UNC13B: variants seen among roughly 807,000 people sequenced by gnomAD.
UNC13B encodes the protein unc-13 homolog B, also known as protein unc-13 homolog B.
UNC13B carries 144 observed loss-of-function variants against 211.0 expected under a neutral mutation model. The observed-to-expected ratio is 0.68, with a 90% CI of 0.60 to 0.78. The LOEUF (loss-of-function observed/expected upper bound fraction) is 0.78, where lower values mean the gene tolerates loss of function less well. Ranked by LOEUF, UNC13B falls within the 30% of genes least tolerant of loss-of-function variation. The pLI is 0.00. For missense variants in UNC13B, 1,777 were observed against 2,002.0 expected, an observed-to-expected ratio of 0.89 and a Z score of 2.14; for synonymous variants, 709 against 725.8, an observed-to-expected ratio of 0.98 and a Z score of 0.37.
chr9:35,209,621 G>A (rs186119447), intron 1 of UNC13B, among the ~76,000 whole-genome samples: 3 of 152,038 alleles, frequency 2.0e-5, no homozygotes, highest in Non-Finnish European at 4.4e-5. Flanking sequence ...CAAGTGATCC[G>A]CCCACCTCGG....
chr9:35,310,672 G>A lies in UNC13B; in HGVS notation c.9214G>A (p.Ala3072Thr). 6.2e-7 allele frequency: 1 copy of A among 1,613,950 alleles called. No individual in the cohort carries two copies. The highest frequency in any genetic ancestry group is 1.7e-5 in the Admixed American group (1 of 59,984). ...QEKPLEVTGQ[A>T]EKEAACEPKE... ...GAAACCCTTGGAGGTGACAGGTCAA[G>A]CAGAGAAGGAGGCAGCATGTGAACC... Residue 3072 changes from alanine to threonine, a missense_variant, in exon 10 of 40, where the codon GCA becomes ACA. By Grantham distance (58) the Ala-to-Thr change is moderately conservative (BLOSUM62 0). Coordinates refer to ENST00000635942, the MANE Select transcript of UNC13B (RefSeq NM_001371189.2).
intron 8 of UNC13B, among the ~76,000 whole-genome samples, chr9:35,297,561 T>TTTTTTTTTTTTTTTTTTTGTTTTTTTG: frequency 5.5e-5 from 7 of 128,232 alleles, no homozygotes; most frequent in East Asian, 2.1e-4. Flanking sequence ...TTTTTTTTTT[T>TTTTTTTTTTTTTTTTTTTGTTTTTTTG]TTTTTTGAGA....
chr9:35,312,911 G>C (rs547775089), intron 10 of UNC13B, among the ~76,000 whole-genome samples: 41 of 152,308 alleles, frequency 2.7e-4, no homozygotes, highest in Admixed American at 7.2e-4. Flanking sequence ...TAAAAGGGCT[G>C]TGTGTTTTTT....
rs549819494 is a variant in UNC13B, at chr9:35,306,601, G to A, written c.7197G>A (p.Glu2399=). ...CTTGTACTAACTGCCACCAAAATGA[G>A]AAATTTACTACTGACCCAGTGAACT... ...LDTCTNCHQN[E]KFTTDPVNLP... is the part of the protein sequence containing the mutation. Residue 2399 remains glutamate (E), a synonymous_variant, in exon 9 of 40, where the codon GAG becomes GAA. Transcript: ENST00000635942. 1.5e-4 allele frequency: 58 copies of A among 398,962 alleles called. No homozygotes were observed. In the Admixed American group the frequency reaches 1.6e-3, roughly 11 times the overall value. The allele number at this position is 398,962 out of a possible 1,614,324, so 24.7% of individuals were successfully genotyped here.
chr9:35,288,814 A>G (rs1163550493), intron 7 of UNC13B, among the ~76,000 whole-genome samples: 1 of 152,222 alleles, frequency 6.6e-6, no homozygotes, highest in African/African-American at 2.4e-5. Context: ...GATGAGGGGC[A>G]GTGTCCTGCC....
intron 3 of UNC13B, among the ~76,000 whole-genome samples, chr9:35,235,865 G>C (rs535259386): frequency 6.6e-6 from 1 of 152,262 alleles, no homozygotes; most frequent in South Asian, 2.1e-4. Flanking sequence ...TGGCAGGCAG[G>C]CCTGGCAATA....
chr9:35,304,961 AGTTT>A lies in UNC13B; in HGVS notation c.5561_5564del (p.Leu1854Ter). On this transcript the variant is annotated frameshift_variant, in exon 9 of 40. Transcript: ENST00000635942. LOFTEE classifies it high-confidence loss of function. ...TAAAAACAACCATGTGAAAAAGCAA[AGTTT>A]GTTAAAATCTGGTTTCCAGGTAAGC... 2.5e-6 allele frequency: 1 copy of A among 398,950 alleles called. No individual in the cohort carries two copies. Among genetic ancestry groups the A allele is most frequent in the Non-Finnish European group, 4.4e-6 (1 of 226,014 alleles). 24.7% of individuals were successfully genotyped at this position (398,950 alleles called of 1,614,324 possible). A position where few individuals can be genotyped will look rare whatever the true frequency, so the allele number is the denominator to read the frequency against.
Position 35,216,144 on chromosome 9 carries a change from A to G in UNC13B, c.23-11871A>G, listed in dbSNP as rs183790171. Among the ~76,000 whole-genome samples the G allele has an allele frequency of 1.1e-3, 167 of 152,352 alleles. 3 individuals are homozygous for G. Among genetic ancestry groups the G allele is most frequent in the Non-Finnish European group, 1.8e-3 (123 of 68,026 alleles). On this transcript the variant is annotated intron_variant, in intron 1 of 39. Transcript: ENST00000635942. The stretch of plus-strand genomic sequence containing the variant: ...CTAAAATCTGTAGCATTAACAGACT[A>G]AAGAGGAAACATCCTTGGATCATCT...
intron 4 of UNC13B, 65 bp from the exon 5 acceptor site, chr9:35,237,638 C>T (rs1825585697): frequency 6.3e-7 from 1 of 1,581,994 alleles, no homozygotes; most frequent in Non-Finnish European, 8.5e-7. Context: ...AGAAAAAAAC[C>T]TGACTCTTGA....
intron 5 of UNC13B, among the ~76,000 whole-genome samples, chr9:35,242,062 G>A (rs918278367): frequency 6.6e-6 from 1 of 152,140 alleles, no homozygotes; most frequent in African/African-American, 2.4e-5. Context: ...TCTCTTCAGT[G>A]CTGGTTAGAT....
At chr9:35,344,955 A>G (rs1391454296) in intron 11 of UNC13B, among the ~76,000 whole-genome samples, 1 of 152,196 alleles carries the variant, frequency 6.6e-6, no homozygotes, top group Non-Finnish European at 1.5e-5. Context: ...AGATACAGTT[A>G]TGAACAAAAC....
At chr9:35,296,611 A>C (rs1829371986) in intron 8 of UNC13B, among the ~76,000 whole-genome samples, 1 of 152,206 alleles carries the variant, frequency 6.6e-6, no homozygotes, top group African/African-American at 2.4e-5. Context: ...AAGATTAAAA[A>C]AAATTTCAGA....
chr9:35,331,147 T>C (rs1442014704), intron 11 of UNC13B, among the ~76,000 whole-genome samples: 2 of 152,222 alleles, frequency 1.3e-5, no homozygotes, highest in African/African-American at 2.4e-5. Flanking sequence ...AGAATATTCA[T>C]TGCTGGCTGT....
intron 1 of UNC13B, among the ~76,000 whole-genome samples, chr9:35,217,678 T>C (rs1824333961): frequency 6.6e-6 from 1 of 152,144 alleles, no homozygotes; most frequent in Non-Finnish European, 1.5e-5. Context: ...CGTGAGCCAC[T>C]GTGCCCGGCG....
intron 1 of UNC13B, among the ~76,000 whole-genome samples, chr9:35,164,906 C>T (rs868297508): frequency 2.6e-5 from 4 of 152,182 alleles, no homozygotes; most frequent in Non-Finnish European, 2.9e-5. Context: ...CATATGCTGC[C>T]TGCAACTGGT....
chr9:35,376,143 A>G lies in UNC13B; in HGVS notation c.9731A>G (p.Glu3244Gly), dbSNP rs1834391331. The G allele has an allele frequency of 1.9e-6, 3 of 1,614,244 alleles. No individual in the cohort carries two copies. In the South Asian group the frequency reaches 3.3e-5, roughly 18 times the overall value. The stretch of plus-strand genomic sequence containing the variant: ...ACCCCAACCTACTGCTATGAGTGTG[A>G]AGGCCTGCTCTGGGGCATTGCCCGG... Reference protein sequence around the residue: ...ATTPTYCYECEGLLWGIARQG... With the variant: ...ATTPTYCYECGGLLWGIARQG... The change falls in exon 15 of 40, where the codon GAA becomes GGA. Residue 3244 changes from glutamate (E) to glycine (G), a missense_variant. Physicochemically the swap from Glu to Gly is moderately conservative, Grantham distance 98. Coordinates refer to ENST00000635942, the MANE Select transcript of UNC13B (RefSeq NM_001371189.2).
At chr9:35,262,274 C>T (rs1278223917) in intron 7 of UNC13B, among the ~76,000 whole-genome samples, 1 of 151,204 alleles carries the variant, frequency 6.6e-6, no homozygotes, top group African/African-American at 2.4e-5. Flanking sequence ...CTTTCCTTTT[C>T]CTTTTCCTTT....
At chr9:35,376,407 G>A (rs1479701284) in intron 15 of UNC13B, among the ~76,000 whole-genome samples, 160 bp downstream of exon 15, 1 of 152,230 alleles carries the variant, frequency 6.6e-6, no homozygotes, top group Non-Finnish European at 1.5e-5. Flanking sequence ...GAATCAAGGG[G>A]CATTGCCTTT....
chr9:35,187,485 C>T (rs911322677), intron 1 of UNC13B, among the ~76,000 whole-genome samples: 2 of 152,140 alleles, frequency 1.3e-5, no homozygotes, highest in Admixed American at 6.5e-5. Context: ...GGATGATAAG[C>T]TTTGGAGCAT....
Sources: allele counts gnomAD v4.1 joint callset (sites outside exome capture counted in the v4.1 genomes callset), GRCh38; gene constraint gnomAD v4.1.1; transcripts MANE v1.5; gene names NCBI Gene and HGNC (gene_info 2026-07-23, HGNC 2026-07-21).